Variants in KANK1 observed in about 807,000 individuals in gnomAD.
KANK1 encodes KN motif and ankyrin repeat domains 1, also known as KN motif and ankyrin repeat domain-containing protein 1.
Under a neutral mutation model 106.2 loss-of-function variants are expected in KANK1, and 109 were observed. The ratio of observed to expected loss-of-function variants is 1.03; its 90% CI spans 0.88 to 1.20. KANK1 has a LOEUF of 1.20. Ranked by LOEUF, KANK1 falls within the 50% of genes most tolerant of loss-of-function variation. The pLI is 0.00. For synonymous variants in KANK1, 873 were observed against 652.2 expected, an observed-to-expected ratio of 1.34 and a Z score of -5.16; for missense variants, 2,399 against 1,710.7, an observed-to-expected ratio of 1.40 and a Z score of -7.10.
chr9:624,256 G>C (rs2136498691), intron 1 of KANK1, among the ~76,000 whole-genome samples: 1 of 152,234 alleles, frequency 6.6e-6, no homozygotes, highest in Non-Finnish European at 1.5e-5. Context: ...GCTGGTCAAA[G>C]GGTACAAGCT....
At chr9:550,520 G>A (rs369620194) in intron 1 of KANK1, among the ~76,000 whole-genome samples, 1 of 152,210 alleles carries the variant, frequency 6.6e-6, no homozygotes, top group African/African-American at 2.4e-5. Flanking sequence ...TGAGGTGGGA[G>A]GATTGGTTGA....
At chr9:581,518 C>A (rs1405694087) in intron 1 of KANK1, among the ~76,000 whole-genome samples, 1 of 49,030 alleles carries the variant, frequency 2.0e-5, no homozygotes, top group Non-Finnish European at 4.2e-5. Flanking sequence ...AGCTATGAAC[C>A]ATTCTTCATT....
At chr9:595,884 A>T (rs188309605) in intron 1 of KANK1, among the ~76,000 whole-genome samples, 1 of 151,984 alleles carries the variant, frequency 6.6e-6, no homozygotes, top group East Asian at 1.9e-4. Flanking sequence ...GACAAATGAT[A>T]ACAAATAGCT....
Position 491,672 on chromosome 9 carries a change from G to A in KANK1, c.-362+18399G>A, listed in dbSNP as rs2058379519. Among the ~76,000 whole-genome samples the A allele has an allele frequency of 2.6e-5, 4 of 152,174 alleles. 1 individual carries two copies. In the South Asian group the frequency reaches 8.3e-4, roughly 32 times the overall value. On this transcript the variant is annotated intron_variant, in intron 3 of 15. Coordinates refer to the KANK1 transcript ENST00000382303. ...CATGCTGATTTGGGGCGAGAAAAGG[G>A]AAACGTCAAACACAAATCACCTAAA...
chr9:657,896 G>A (rs927863154), intron 1 of KANK1, among the ~76,000 whole-genome samples: 1 of 151,828 alleles, frequency 6.6e-6, no homozygotes, highest in Admixed American at 6.6e-5. Flanking sequence ...TGGTGGTGTG[G>A]GGGTGGTATA....
chr9:565,195 C>G (rs763727372), intron 1 of KANK1, among the ~76,000 whole-genome samples: 5 of 152,190 alleles, frequency 3.3e-5, no homozygotes, highest in African/African-American at 1.2e-4. Context: ...TGGAGAACAT[C>G]TATTCCTGTT....
intron 1 of KANK1, among the ~76,000 whole-genome samples, chr9:617,909 G>A (rs1010609014): frequency 2.6e-5 from 4 of 152,080 alleles, no homozygotes; most frequent in Admixed American, 6.5e-5. Flanking sequence ...AAGAGGGTGC[G>A]GGCAGAATGG....
At chr9:739,075 C>G (rs1834613695) in intron 8 of KANK1, among the ~76,000 whole-genome samples, 1 of 152,174 alleles carries the variant, frequency 6.6e-6, no homozygotes, top group Non-Finnish European at 1.5e-5. Flanking sequence ...TCTTGTCTCT[C>G]AACCATAATA....
chr9:718,977 T>TTG (rs1491433867), intron 3 of KANK1, among the ~76,000 whole-genome samples: 1 of 143,770 alleles, frequency 7.0e-6, no homozygotes, highest in Non-Finnish European at 1.5e-5. Flanking sequence ...TTTTTTTTTT[T>TTG]GAGACACAGT....
At chr9:700,659 T>C (rs1186010379) in intron 2 of KANK1, among the ~76,000 whole-genome samples, 3 of 152,192 alleles carry the variant, frequency 2.0e-5, no homozygotes, top group Admixed American at 6.5e-5. Flanking sequence ...TAGGACTGAC[T>C]CAGCTCTTCA....
At position 745,751 on chromosome 9, in the gene KANK1, C is replaced by A. The variant is rs995056395; in HGVS notation, c.*516C>A. On this transcript the variant is annotated 3_prime_UTR_variant, in exon 12 of 12. Coordinates refer to ENST00000382297, the MANE Select transcript of KANK1 (RefSeq NM_015158.5). ...TGGGCCAGACAAAGTATAAAACTTA[C>A]AAAAGAATATTCTCATTTGGTCTTA... 2 of 152,622 alleles carry A rather than the reference C, an allele frequency of 1.3e-5. No homozygotes were observed. Among genetic ancestry groups the A allele is most frequent in the Non-Finnish European group, 2.9e-5 (2 of 68,108 alleles). 9.5% of individuals were successfully genotyped at this position (152,622 alleles called of 1,614,324 possible). A position where few individuals can be genotyped will look rare whatever the true frequency, so the allele number is the denominator to read the frequency against.
chr9:632,194 T>G (rs1835902732), intron 1 of KANK1, among the ~76,000 whole-genome samples: 1 of 152,190 alleles, frequency 6.6e-6, no homozygotes, highest in Non-Finnish European at 1.5e-5. Flanking sequence ...AATTCATATT[T>G]TCCTTTAACA....
At chr9:700,124 C>T (rs780101277) in intron 2 of KANK1, among the ~76,000 whole-genome samples, 10 of 152,160 alleles carry the variant, frequency 6.6e-5, no homozygotes, top group Non-Finnish European at 1.3e-4. Context: ...GGCAGGTGCC[C>T]ATCATTTGAA....
At chr9:622,270 T>C (rs1371745140) in intron 1 of KANK1, among the ~76,000 whole-genome samples, 1 of 152,204 alleles carries the variant, frequency 6.6e-6, no homozygotes, top group African/African-American at 2.4e-5. Flanking sequence ...GTGTATATTG[T>C]CACTTCATGC....
intron 1 of KANK1, among the ~76,000 whole-genome samples, chr9:582,085 T>C (rs1443363775): frequency 1.3e-5 from 2 of 152,042 alleles, no homozygotes; most frequent in Admixed American, 6.5e-5. Flanking sequence ...TGGTAACTGC[T>C]CAAATGCTGG....
rs188912970 is a variant in KANK1, at chr9:672,874, T to G, written c.-83-4016T>G. Among the ~76,000 whole-genome samples the G allele has an allele frequency of 3.0e-4, 45 of 152,316 alleles. 2 individuals are homozygous for G. The highest frequency in any genetic ancestry group is 1.0e-3 in the African/African-American group (43 of 41,562). The stretch of plus-strand genomic sequence containing the variant: ...TATTTTCTCTGTTGATGTATTTTCC[T>G]AAATCGTTTCGCAGGAGTGGTTTCT... On this transcript the variant is annotated intron_variant, in intron 1 of 11. Coordinates refer to ENST00000382297, the MANE Select transcript of KANK1 (RefSeq NM_015158.5).
At chr9:490,739 A>C (rs2132295918) in intron 3 of KANK1, among the ~76,000 whole-genome samples, 1 of 152,328 alleles carries the variant, frequency 6.6e-6, no homozygotes, top group South Asian at 2.1e-4. Context: ...CATTCAACAC[A>C]TATTTATTGT....
At chr9:608,334 T>G (rs1829807614) in intron 1 of KANK1, among the ~76,000 whole-genome samples, 1 of 151,880 alleles carries the variant, frequency 6.6e-6, no homozygotes, top group Non-Finnish European at 1.5e-5. Flanking sequence ...CTTTCAGAAT[T>G]ATAACAATAA....
At chr9:643,692 G>A (rs923633749) in intron 1 of KANK1, among the ~76,000 whole-genome samples, 3 of 148,872 alleles carry the variant, frequency 2.0e-5, no homozygotes, top group African/African-American at 7.7e-5. Flanking sequence ...GATTTGTGGG[G>A]GTTTTTTGTT....
Sources: gnomAD v4.1 joint callset for allele counts (sites outside exome capture counted in the v4.1 genomes callset) on GRCh38, gnomAD v4.1.1 for gene constraint, MANE v1.5 for transcripts, NCBI Gene and HGNC (gene_info 2026-07-23, HGNC 2026-07-21) for gene names.